Variants in FHOD3 observed in about 807,000 individuals in gnomAD.
The protein encoded by FHOD3 is FH1/FH2 domain-containing protein 3.
A neutral mutation model predicts 173.0 loss-of-function variants in FHOD3; 90 were observed. The ratio of observed to expected loss-of-function variants is 0.52; its 90% CI spans 0.44 to 0.62. The LOEUF (loss-of-function observed/expected upper bound fraction) is 0.62. Among genes scored for constraint, FHOD3 ranks in the 20% least tolerant of loss-of-function variants. The pLI, the probability that FHOD3 is intolerant of heterozygous loss-of-function variation, is 0.00. For missense variants in FHOD3, 1,945 were observed against 2,034.7 expected, an observed-to-expected ratio of 0.96 and a Z score of 0.85; for synonymous variants, 828 against 823.0, an observed-to-expected ratio of 1.01 and a Z score of -0.10.
intron 5 of FHOD3, among the ~76,000 whole-genome samples, chr18:36,530,503 G>A (rs2056738249): frequency 1.3e-5 from 2 of 152,216 alleles, no homozygotes; most frequent in Admixed American, 1.3e-4. Flanking sequence ...GAATGAGTGA[G>A]TGTAATGATG....
intron 15 of FHOD3, among the ~76,000 whole-genome samples, chr18:36,685,744 G>A (rs1568605425): frequency 1.3e-5 from 2 of 152,140 alleles, no homozygotes; most frequent in African/African-American, 2.4e-5. Context: ...ATGAGGTCCA[G>A]TGTTGAAAAC....
rs768118183 is a variant in FHOD3 at position 36,779,568 on chromosome 18, G to A, written c.*38G>A. ...ACTCCCAGGAGTGTGCTGAGCAGAA[G>A]GCAAGCTCTTGCTGGATGAAACCCC... On this transcript the variant is annotated 3_prime_UTR_variant, in exon 29 of 29. Coordinates refer to ENST00000590592, the MANE Select transcript of FHOD3 (RefSeq NM_001281740.3). 2 of 1,595,116 alleles carry A rather than the reference G, an allele frequency of 1.3e-6. No homozygotes were observed. The highest frequency in any genetic ancestry group is 1.1e-5 in the South Asian group (1 of 90,652).
chr18:36,626,980 C>A (rs2034157318), intron 10 of FHOD3, among the ~76,000 whole-genome samples: 1 of 152,182 alleles, frequency 6.6e-6, no homozygotes, highest in Non-Finnish European at 1.5e-5. Flanking sequence ...TATGTTGACA[C>A]CCCTCTTCTA....
At position 36,312,683 on chromosome 18, in the gene FHOD3, T is replaced by C. The variant is rs956046056; in HGVS notation, c.165+14683T>C. 2.0e-5 allele frequency among the ~76,000 whole-genome samples: 3 copies of C among 152,184 alleles called. No individual in the cohort carries two copies. The South Asian group carries it at 6.2e-4, about 32-fold the overall frequency. ...TCTGGTCCATGTGTCATCCATGGCA[T>C]ATGGAAAGTGCTCAATAAATATTTA... is the stretch of plus-strand genomic sequence containing the variant. On this transcript the variant is annotated intron_variant, in intron 1 of 28. Transcript: ENST00000590592.
intron 1 of FHOD3, among the ~76,000 whole-genome samples, chr18:36,324,995 A>T (rs1055296891): frequency 3.9e-5 from 6 of 152,246 alleles, no homozygotes; most frequent in Non-Finnish European, 7.3e-5. Context: ...AGCCCTGAAA[A>T]TGAATGTATG....
chr18:36,736,774 C>T (rs995723364), intron 20 of FHOD3, among the ~76,000 whole-genome samples: 2 of 152,252 alleles, frequency 1.3e-5, no homozygotes, highest in East Asian at 1.9e-4. Context: ...AGGCAACACT[C>T]GAGTGGGAAA....
chr18:36,706,416 C>A (rs2039882407), intron 17 of FHOD3, among the ~76,000 whole-genome samples: 1 of 152,168 alleles, frequency 6.6e-6, no homozygotes, highest in African/African-American at 2.4e-5. Context: ...AAGATACCAC[C>A]CCAGTGGTTG....
At chr18:36,778,593 T>C (rs1308558796) in intron 28 of FHOD3, 1 of 152,154 alleles carries the variant, frequency 6.6e-6, no homozygotes, top group Admixed American at 6.5e-5. Flanking sequence ...GGGAATACCA[T>C]CATGCCAAGC....
intron 10 of FHOD3, among the ~76,000 whole-genome samples, chr18:36,648,776 G>A (rs1292164284): frequency 2.0e-5 from 3 of 152,140 alleles, no homozygotes; most frequent in Admixed American, 1.3e-4. Flanking sequence ...AATCAGGGGT[G>A]GCCATTCATT....
chr18:36,313,335 A>G (rs1395090906), intron 1 of FHOD3, among the ~76,000 whole-genome samples: 1 of 152,218 alleles, frequency 6.6e-6, no homozygotes, highest in Admixed American at 6.5e-5. Flanking sequence ...TTTGGTGCAC[A>G]GTCCTATGAG....
At chr18:36,503,508 C>T (rs2146094030) in intron 4 of FHOD3, among the ~76,000 whole-genome samples, 1 of 152,314 alleles carries the variant, frequency 6.6e-6, no homozygotes. Context: ...CCACGGAGTC[C>T]CTTCTCTGTG....
Position 36,594,787 on chromosome 18 carries a change from T to G in FHOD3, c.607T>G (p.Phe203Val). 1 of 1,612,266 alleles carries G rather than the reference T, an allele frequency of 6.2e-7. No homozygotes were observed. Among genetic ancestry groups the G allele is most frequent in the Non-Finnish European group, 8.5e-7 (1 of 1,178,770 alleles). Reference protein sequence around the residue: ...QWLYTLIGSKFRLVVKTALKL... With the variant: ...QWLYTLIGSKVRLVVKTALKL... ...GTGATGGTTTTATCTCTTCTGCCAG[T>G]TCCGCCTGGTGGTGAAGACAGCCCT... Residue 203 changes from phenylalanine to valine, a missense_variant and splice_region_variant, in exon 7 of 29, where the codon TTC (phenylalanine) becomes GTC (valine). By Grantham distance (50) the Phe-to-Val change is conservative. Transcript: ENST00000590592.
At chr18:36,422,539 C>A (rs2050039365) in intron 3 of FHOD3, among the ~76,000 whole-genome samples, 1 of 152,138 alleles carries the variant, frequency 6.6e-6, no homozygotes, top group African/African-American at 2.4e-5. Context: ...TGTGTACTTG[C>A]AATTTTGATA....
At chr18:36,491,796 T>A (rs2054487493) in intron 3 of FHOD3, among the ~76,000 whole-genome samples, 1 of 151,968 alleles carries the variant, frequency 6.6e-6, no homozygotes, top group Non-Finnish European at 1.5e-5. Context: ...TGTCTTTTTG[T>A]GGCTTGACAG....
At chr18:36,491,411 A>G (rs1332831672) in intron 3 of FHOD3, among the ~76,000 whole-genome samples, 1 of 152,226 alleles carries the variant, frequency 6.6e-6, no homozygotes, top group Admixed American at 6.5e-5. Flanking sequence ...ATTGGCAGAT[A>G]GTTATTAAGT....
chr18:36,338,056 C>T (rs1010547067), intron 1 of FHOD3, among the ~76,000 whole-genome samples: 2 of 152,118 alleles, frequency 1.3e-5, no homozygotes, highest in Non-Finnish European at 2.9e-5. Flanking sequence ...ACTAAGGGAA[C>T]GGAGTAGAGT....
chr18:36,742,869 C>T lies in FHOD3; in HGVS notation c.3879+13C>T, dbSNP rs748847809. 3.7e-6 allele frequency: 6 copies of T among 1,605,706 alleles called. No individual in the cohort carries two copies. The East Asian group carries it at 6.7e-5, about 18-fold the overall frequency. On this transcript the variant is annotated intron_variant, in intron 22 of 28. Coordinates refer to ENST00000590592, the MANE Select transcript of FHOD3 (RefSeq NM_001281740.3). ...AAATGGAACTAATGTAAGTCATCCC[C>T]ATCCCTCATCCTGTAGCCCCCCCTT...
chr18:36,525,681 A>G (rs1463144173), intron 5 of FHOD3, among the ~76,000 whole-genome samples: 2 of 152,164 alleles, frequency 1.3e-5, no homozygotes, highest in Non-Finnish European at 2.9e-5. Flanking sequence ...GAGGGCAGCA[A>G]CCTTTTACTG....
At position 36,437,669 on chromosome 18, in the gene FHOD3, T is replaced by C. The variant is rs534918452; in HGVS notation, c.338-64263T>C. ...GAGCTTCTGGTTTCTTTCTTTCTTT[T>C]TTTTTTTTTTTTTAAGACAGAGTCT... On this transcript the variant is annotated intron_variant, in intron 3 of 28. Coordinates refer to ENST00000590592, the MANE Select transcript of FHOD3 (RefSeq NM_001281740.3). Among the ~76,000 whole-genome samples, 65 of 117,396 alleles carry C rather than the reference T, an allele frequency of 5.5e-4. 1 individual carries two copies. Among genetic ancestry groups the C allele is most frequent in the Admixed American group, 4.1e-3 (47 of 11,428 alleles). The allele number at this position is 117,396 out of a possible 152,430, so 77.0% of individuals were successfully genotyped here.
Sources: gnomAD v4.1 joint callset for allele counts (sites outside exome capture counted in the v4.1 genomes callset) on GRCh38, gnomAD v4.1.1 for gene constraint, MANE v1.5 for transcripts, NCBI Gene and HGNC (gene_info 2026-07-23, HGNC 2026-07-21) for gene names.